FOXN3: variants seen among roughly 807,000 people sequenced by gnomAD.
FOXN3 encodes the protein forkhead box N3.
In FOXN3, 7 loss-of-function variants were observed where a neutral mutation model predicts 38.4. That is an observed-to-expected ratio of 0.18 (90% CI 0.10 to 0.34). The LOEUF (loss-of-function observed/expected upper bound fraction) is 0.34, where lower values mean the gene tolerates loss of function less well. FOXN3 is among the 10% of genes least tolerant of loss of function. The pLI is 1.00. For synonymous variants in FOXN3, 230 were observed against 242.2 expected (o/e 0.95, Z 0.47); for missense variants, 456 against 613.4 (o/e 0.74, Z 2.71).
In FOXN3 at chr14:89,178,261, G is replaced by A. The variant is rs1004227182; in HGVS notation, c.851+2440C>T. ...CCTGAGCTCAAGTGATCCACCCGCC[G>A]GAGCCTCTCAGTGTTGGGATTACAG... is the stretch of plus-strand genomic sequence containing the variant. On this transcript the variant is annotated intron_variant, in intron 5 of 5. Transcript: ENST00000557258. Among the ~76,000 whole-genome samples the A allele has an allele frequency of 2.6e-5, 4 of 151,784 alleles. No individual in the cohort carries two copies. In the South Asian group the frequency reaches 6.2e-4, roughly 24 times the overall value.
At chr14:89,465,087 C>T (rs535003000) in intron 1 of FOXN3, among the ~76,000 whole-genome samples, 1 of 152,154 alleles carries the variant, frequency 6.6e-6, no homozygotes, top group Non-Finnish European at 1.5e-5. Context: ...TCCTTGCAGC[C>T]GCCACGTGAA....
chr14:89,559,083 G>C (rs371621792), intron 1 of FOXN3, among the ~76,000 whole-genome samples: 38 of 152,196 alleles, frequency 2.5e-4, no homozygotes, highest in African/African-American at 8.2e-4. Context: ...GAACAGGACA[G>C]ATTCGGTGGC....
At chr14:89,594,229 G>A (rs1228040233) in intron 1 of FOXN3, among the ~76,000 whole-genome samples, 1 of 152,176 alleles carries the variant, frequency 6.6e-6, no homozygotes, top group African/African-American at 2.4e-5. Context: ...TGTACATCAG[G>A]ATAGAACTAC....
intron 4 of FOXN3, among the ~76,000 whole-genome samples, chr14:89,212,494 A>G (rs1291047684): frequency 2.0e-5 from 3 of 152,154 alleles, no homozygotes; most frequent in Non-Finnish European, 4.4e-5. Flanking sequence ...CCCAGTGCCC[A>G]TTCTCCAGTG....
intron 3 of FOXN3, among the ~76,000 whole-genome samples, chr14:89,288,650 GGCTGTAATA>G (rs1566947430): frequency 1.0e-4 from 2 of 19,256 alleles, no homozygotes; most frequent in Non-Finnish European, 3.5e-4. Context: ...ATACTCCAAA[GGCTGTAATA>G]GGCACTCTCT....
chr14:89,368,368 C>A (rs1389417568), intron 2 of FOXN3, among the ~76,000 whole-genome samples: 1 of 150,708 alleles, frequency 6.6e-6, no homozygotes, highest in Non-Finnish European at 1.5e-5. Flanking sequence ...CCTGGCCAGG[C>A]ACAGTGGCTC....
At chr14:89,228,508 A>C (rs1197767120) in intron 4 of FOXN3, among the ~76,000 whole-genome samples, 2 of 152,240 alleles carry the variant, frequency 1.3e-5, no homozygotes, top group Non-Finnish European at 2.9e-5. Context: ...TTTTATTCTT[A>C]ACCTGTAAGA....
intron 1 of FOXN3, among the ~76,000 whole-genome samples, chr14:89,563,783 G>C (rs1895295310): frequency 6.6e-6 from 1 of 152,156 alleles, no homozygotes; most frequent in Non-Finnish European, 1.5e-5. Context: ...AGCAGGAAAT[G>C]GTGTGCCATT....
intron 1 of FOXN3, among the ~76,000 whole-genome samples, chr14:89,557,997 TTC>T (rs1308216606): frequency 6.6e-6 from 1 of 152,084 alleles, no homozygotes; most frequent in Non-Finnish European, 1.5e-5. Flanking sequence ...CAGGGCAAGA[TTC>T]TGTCTCAAAA....
chr14:89,318,596 T>C (rs1233461116), intron 3 of FOXN3, among the ~76,000 whole-genome samples: 1 of 152,262 alleles, frequency 6.6e-6, no homozygotes, highest in Non-Finnish European at 1.5e-5. Flanking sequence ...GGCTAACCGT[T>C]ATCAAGCACC....
intron 4 of FOXN3, among the ~76,000 whole-genome samples, chr14:89,238,680 T>C (rs375174196): frequency 5.3e-5 from 8 of 152,192 alleles, no homozygotes; most frequent in African/African-American, 1.9e-4. Flanking sequence ...CTAGTACATA[T>C]TGGATACTCA....
chr14:89,431,901 G>A (rs1892167143), intron 1 of FOXN3, among the ~76,000 whole-genome samples: 3 of 152,028 alleles, frequency 2.0e-5, no homozygotes, highest in Admixed American at 2.0e-4. Context: ...TTTTAGTACA[G>A]ACGGGGTTTC....
intron 3 of FOXN3, among the ~76,000 whole-genome samples, chr14:89,298,550 CAGAT>C (rs886506281): frequency 2.7e-5 from 4 of 146,368 alleles, no homozygotes; most frequent in African/African-American, 1.0e-4. Context: ...AAATAAATAA[CAGAT>C]AGACGACAGA....
intron 4 of FOXN3, among the ~76,000 whole-genome samples, chr14:89,191,322 C>T (rs1887935161): frequency 6.6e-6 from 1 of 152,218 alleles, no homozygotes; most frequent in Non-Finnish European, 1.5e-5. Flanking sequence ...ACATCTGCCC[C>T]AGCGCAGCGT....
At chr14:89,182,423 C>T (rs567653637) in intron 4 of FOXN3, among the ~76,000 whole-genome samples, 43 of 152,290 alleles carry the variant, frequency 2.8e-4, no homozygotes, top group African/African-American at 8.9e-4. Context: ...TGGAAACTCT[C>T]GCCTAAGTCA....
intron 4 of FOXN3, among the ~76,000 whole-genome samples, chr14:89,215,876 T>G (rs1225118698): frequency 1.3e-5 from 2 of 152,212 alleles, no homozygotes; most frequent in African/African-American, 4.8e-5. Flanking sequence ...GACGGAATAA[T>G]GAAATGGCTC....
chr14:89,261,518 C>A (rs1053481581), intron 4 of FOXN3, among the ~76,000 whole-genome samples: 1 of 152,082 alleles, frequency 6.6e-6, no homozygotes, highest in Non-Finnish European at 1.5e-5. Context: ...GGAGGGCCGG[C>A]GGCAGTGACT....
In FOXN3 at chr14:89,511,787, C is replaced by A. The variant is rs1467340152; in HGVS notation, c.-14-99297G>T. ...TCACGGTTCTGCAGGGCTGGGGAGG[C>A]CTCAGGAAACTTACAATCATGGTTG... On this transcript the variant is annotated intron_variant, in intron 1 of 6. Transcript: ENST00000345097. Among the ~76,000 whole-genome samples the A allele has an allele frequency of 3.9e-5, 6 of 152,178 alleles. No individual in the cohort carries two copies. The East Asian group carries it at 1.2e-3, about 29-fold the overall frequency.
At chr14:89,255,940 T>G (rs1165427263) in intron 4 of FOXN3, among the ~76,000 whole-genome samples, 4 of 152,108 alleles carry the variant, frequency 2.6e-5, no homozygotes, top group Non-Finnish European at 4.4e-5. Context: ...TTTTTTGCAA[T>G]GTACCAAGGC....
Sources: allele counts gnomAD v4.1 joint callset (sites outside exome capture counted in the v4.1 genomes callset), GRCh38; gene constraint gnomAD v4.1.1; transcripts MANE v1.5; gene names NCBI Gene and HGNC (gene_info 2026-07-23, HGNC 2026-07-21).